ATP6V0E1: variants seen among roughly 807,000 people sequenced by gnomAD.
ATP6V0E1 encodes V-type proton ATPase subunit e 1.
Under a neutral mutation model 11.6 loss-of-function variants are expected in ATP6V0E1, and 4 were observed. The observed-to-expected ratio is 0.35, with a 90% CI of 0.17 to 0.79. The LOEUF is 0.79. Ranked by LOEUF, ATP6V0E1 falls within the 30% of genes least tolerant of loss-of-function variation. The pLI, the probability that ATP6V0E1 is intolerant of heterozygous loss-of-function variation, is 0.54. For synonymous variants in ATP6V0E1, 36 were observed against 34.8 expected, an observed-to-expected ratio of 1.04 and a Z score of -0.13; for missense variants, 105 against 100.0, an observed-to-expected ratio of 1.05 and a Z score of -0.21.
intron 2 of ATP6V0E1, among the ~76,000 whole-genome samples, chr5:173,009,622 G>A (rs954726884): frequency 7.9e-5 from 12 of 151,234 alleles, no homozygotes; most frequent in African/African-American, 2.7e-4. Context: ...GCACCACCAC[G>A]CCCGGCTAAT....
Position 172,997,020 on chromosome 5 carries a change from A to AAAAGCCT in ATP6V0E1, c.152+2200_152+2206dup, listed in dbSNP as rs1756077274. Reference sequence around the variant, plus strand: ...ATTTCAAATAAACTAACAGTTCAAGAAAAGCCTATCAGTTGCATTCCAGAC... The same window carrying AAAAGCCT: ...ATTTCAAATAAACTAACAGTTCAAGAAAAGCCTAAAGCCTATCAGTTGCATTCCAGAC... On this transcript the variant is annotated intron_variant, in intron 2 of 3. Coordinates refer to ENST00000519374, the MANE Select transcript of ATP6V0E1 (RefSeq NM_003945.4). Among the ~76,000 whole-genome samples the AAAAGCCT allele has an allele frequency of 2.6e-5, 4 of 151,962 alleles. No individual in the cohort carries two copies. In the South Asian group the frequency reaches 8.3e-4, roughly 31 times the overall value.
At chr5:173,032,611 A>G (rs1449915105) in intron 3 of ATP6V0E1, among the ~76,000 whole-genome samples, 1 of 152,090 alleles carries the variant, frequency 6.6e-6, no homozygotes, top group African/African-American at 2.4e-5. Flanking sequence ...TTAAACTGGT[A>G]TCATTGATCT....
intron 2 of ATP6V0E1, among the ~76,000 whole-genome samples, chr5:172,998,566 G>A (rs1173720328): frequency 6.8e-6 from 1 of 146,062 alleles, no homozygotes; most frequent in Non-Finnish European, 1.5e-5. Context: ...AGCCAAGATC[G>A]CTCCACTGCA....
chr5:173,013,748 A>C (rs1410755497), intron 2 of ATP6V0E1, among the ~76,000 whole-genome samples: 1 of 152,222 alleles, frequency 6.6e-6, no homozygotes, highest in African/African-American at 2.4e-5. Context: ...ATTTCTCAAA[A>C]GAAGACATTA....
At position 172,983,918 on chromosome 5, in the gene ATP6V0E1, G is replaced by T. The variant is rs199759060; in HGVS notation, c.58G>T (p.Val20Phe). ...TGTGATGAGCGTGTTCTGGGGCTTC[G>T]TCGGCTTCTTGGTGCCTTGGTTCAT... Reference protein sequence around the residue: ...LIVMSVFWGFVGFLVPWFIPK... With the variant: ...LIVMSVFWGFFGFLVPWFIPK... The change falls in exon 1 of 4, where the codon GTC becomes TTC. Residue 20 changes from valine to phenylalanine, a missense_variant. Physicochemically the swap from Val to Phe is conservative, Grantham distance 50. Coordinates refer to ENST00000519374, the MANE Select transcript of ATP6V0E1 (RefSeq NM_003945.4). The T allele has an allele frequency of 1.2e-6, 2 of 1,613,390 alleles. No individual in the cohort carries two copies. Among genetic ancestry groups the T allele is most frequent in the African/African-American group, 2.7e-5 (2 of 75,028 alleles).
intron 2 of ATP6V0E1, among the ~76,000 whole-genome samples, chr5:173,016,738 G>A (rs1285406655): frequency 2.0e-5 from 3 of 152,172 alleles, no homozygotes; most frequent in East Asian, 1.9e-4. Context: ...CACCATTAGC[G>A]TCAACTGCAG....
At position 173,034,480 on chromosome 5, in the gene ATP6V0E1, A is replaced by G. The variant is rs1272033310; in HGVS notation, c.*118A>G. Reference sequence around the variant, plus strand: ...TCTTGACTTGCCTGTTTTGGCCATTAGCTGCCTTAAACGTTAACAGCACAT... The same window carrying G: ...TCTTGACTTGCCTGTTTTGGCCATTGGCTGCCTTAAACGTTAACAGCACAT... On this transcript the variant is annotated 3_prime_UTR_variant, in exon 4 of 4. Coordinates refer to ENST00000519374, the MANE Select transcript of ATP6V0E1 (RefSeq NM_003945.4). The G allele has an allele frequency of 7.1e-6, 5 of 702,348 alleles. No individual in the cohort carries two copies. 43.5% of individuals were successfully genotyped at this position (702,348 alleles called of 1,614,324 possible). A position where few individuals can be genotyped will look rare whatever the true frequency, so the allele number is the denominator to read the frequency against.
intron 2 of ATP6V0E1, among the ~76,000 whole-genome samples, chr5:173,012,039 T>A (rs571035619): frequency 4.0e-4 from 37 of 91,584 alleles, no homozygotes; most frequent in African/African-American, 2.6e-3. Context: ...CCTAGGTAAA[T>A]TTTTTTTTTT....
intron 3 of ATP6V0E1, among the ~76,000 whole-genome samples, chr5:173,029,150 G>A (rs538357156): frequency 1.3e-5 from 2 of 152,340 alleles, no homozygotes; most frequent in Admixed American, 6.5e-5. Context: ...CTTGTGAGGT[G>A]TATAGTACTG....
At position 173,025,478 on chromosome 5, in the gene ATP6V0E1, T is replaced by A. The variant is rs548624912; in HGVS notation, c.*36+5111T>A. On this transcript the variant is annotated intron_variant, in intron 3 of 3. Transcript: ENST00000519374. ...ACTGTTCCTTAATAACAGTAACTTT[T>A]ATTATTCTACAATGTATATAAAATA... Among the ~76,000 whole-genome samples, 103 of 151,202 alleles carry A rather than the reference T, an allele frequency of 6.8e-4. 1 individual carries two copies. The highest frequency in any genetic ancestry group is 5.5e-4 in the Non-Finnish European group (37 of 67,846).
At chr5:173,002,959 A>G (rs987516311) in intron 2 of ATP6V0E1, among the ~76,000 whole-genome samples, 2 of 151,400 alleles carry the variant, frequency 1.3e-5, no homozygotes, top group Non-Finnish European at 2.9e-5. Context: ...GCTAAAGCAG[A>G]AGGATCGCTT....
intron 2 of ATP6V0E1, among the ~76,000 whole-genome samples, chr5:173,007,429 TGGCCATATGGCCC>T (rs1756245178): frequency 2.0e-5 from 3 of 152,236 alleles, no homozygotes; most frequent in African/African-American, 7.2e-5. Flanking sequence ...CCTTCATTCC[TGGCCATATGGCCC>T]CTCCATTTTC....
intron 2 of ATP6V0E1, among the ~76,000 whole-genome samples, chr5:173,007,071 AAT>A (rs1336163043): frequency 6.6e-6 from 1 of 152,210 alleles, no homozygotes; most frequent in African/African-American, 2.4e-5. Flanking sequence ...AATTGGCAAA[AAT>A]AGGGTATATT....
rs531285436 is a variant in ATP6V0E1, at chr5:173,006,333, G to A, written c.152+11511G>A. On this transcript the variant is annotated intron_variant, in intron 2 of 3. Transcript: ENST00000519374. ...GTTTTATTAAACTCTACTCTGGGCC[G>A]GGCACGATGGCTCACGCCTGTAATC... Among the ~76,000 whole-genome samples, 300 of 152,174 alleles carry A rather than the reference G, an allele frequency of 2.0e-3. 2 individuals are homozygous for A. The highest frequency in any genetic ancestry group is 7.0e-3 in the African/African-American group (292 of 41,518).
intron 2 of ATP6V0E1, 59 bp downstream of exon 2, chr5:172,994,881 A>G: frequency 3.7e-6 from 5 of 1,348,942 alleles, no homozygotes; most frequent in Non-Finnish European, 5.1e-6. Context: ...CGATTTACAC[A>G]TTTGTTTTAT....
rs1437603897 is a variant in ATP6V0E1, at chr5:172,983,802, A to G, written c.-59A>G. The G allele has an allele frequency of 4.6e-6, 7 of 1,535,552 alleles. No homozygotes were observed. Among genetic ancestry groups the G allele is most frequent in the Non-Finnish European group, 6.3e-6 (7 of 1,111,408 alleles). On this transcript the variant is annotated 5_prime_UTR_variant, in exon 1 of 4. Coordinates refer to ENST00000519374, the MANE Select transcript of ATP6V0E1 (RefSeq NM_003945.4). The stretch of plus-strand genomic sequence containing the variant: ...GCTGGTCACGCGGTCAGCTATTGAC[A>G]CTTCCTGGTGGGATCCGAGTGAGGC...
Position 173,014,560 on chromosome 5 carries a change from T to A in ATP6V0E1, c.153-5678T>A, listed in dbSNP as rs536551352. 7.9e-5 allele frequency among the ~76,000 whole-genome samples: 12 copies of A among 152,310 alleles called. No individual in the cohort carries two copies. In the East Asian group the frequency reaches 1.2e-3, roughly 15 times the overall value. ...GCCATAAAAAAAGAATGAAATCATG[T>A]CATTTGCAGCATCATGGGAGGAACT... is the stretch of plus-strand genomic sequence containing the variant. On this transcript the variant is annotated intron_variant, in intron 2 of 3. Coordinates refer to ENST00000519374, the MANE Select transcript of ATP6V0E1 (RefSeq NM_003945.4).
At chr5:173,016,784 C>G (rs1201273930) in intron 2 of ATP6V0E1, among the ~76,000 whole-genome samples, 1 of 152,186 alleles carries the variant, frequency 6.6e-6, no homozygotes. Flanking sequence ...CTGTGCTGTT[C>G]TCTTCCTTTT....
chr5:173,013,976 C>T (rs1756367480), intron 2 of ATP6V0E1, among the ~76,000 whole-genome samples: 3 of 152,082 alleles, frequency 2.0e-5, no homozygotes, highest in South Asian at 4.2e-4. Flanking sequence ...CAACCATGTT[C>T]AACATGGTGG....
Sources: gnomAD v4.1 joint callset for allele counts (sites outside exome capture counted in the v4.1 genomes callset) on GRCh38, gnomAD v4.1.1 for gene constraint, MANE v1.5 for transcripts, NCBI Gene and HGNC (gene_info 2026-07-23, HGNC 2026-07-21) for gene names.